Variants in SLIT3 observed in about 807,000 individuals in gnomAD.
SLIT3 encodes slit homolog 3 protein.
A neutral mutation model predicts 184.0 loss-of-function variants in SLIT3; 68 were observed. The ratio of observed to expected loss-of-function variants is 0.37; its 90% confidence interval spans 0.30 to 0.45. The LOEUF (loss-of-function observed/expected upper bound fraction) is 0.45, where lower values mean the gene tolerates loss of function less well. SLIT3 is among the 20% of genes least tolerant of loss of function. SLIT3 has a pLI of 1.00. For missense variants in SLIT3, 1,707 were observed against 2,026.0 expected, an observed-to-expected ratio of 0.84 and a Z score of 3.02; for synonymous variants, 831 against 828.6, an observed-to-expected ratio of 1.00 and a Z score of -0.05.
chr5:169,133,338 T>A (rs1405593990), intron 4 of SLIT3, among the ~76,000 whole-genome samples: 1 of 152,202 alleles, frequency 6.6e-6, no homozygotes, highest in Non-Finnish European at 1.5e-5. Flanking sequence ...CTTGGAATCT[T>A]GAGTGGTGAG....
At chr5:168,831,731 A>G (rs984776984) in intron 6 of SLIT3, among the ~76,000 whole-genome samples, 1 of 152,214 alleles carries the variant, frequency 6.6e-6, no homozygotes, top group African/African-American at 2.4e-5. Flanking sequence ...TCCAGGTGTC[A>G]TGTAAAACCT....
chr5:168,932,444 C>G (rs567422966), intron 4 of SLIT3, among the ~76,000 whole-genome samples: 1 of 151,730 alleles, frequency 6.6e-6, no homozygotes, highest in Non-Finnish European at 1.5e-5. Flanking sequence ...TTTTCTCTTT[C>G]CCTAGGAGAC....
chr5:169,059,169 C>T (rs969498473), intron 4 of SLIT3, among the ~76,000 whole-genome samples: 1 of 152,156 alleles, frequency 6.6e-6, no homozygotes, highest in African/African-American at 2.4e-5. Flanking sequence ...TCAGAATCCT[C>T]CTGACAAACA....
intron 4 of SLIT3, among the ~76,000 whole-genome samples, chr5:169,164,281 G>T (rs1433919225): frequency 6.6e-6 from 1 of 152,092 alleles, no homozygotes; most frequent in Admixed American, 6.5e-5. Context: ...AAATATTTCC[G>T]GCTAATTCAA....
intron 3 of SLIT3, among the ~76,000 whole-genome samples, chr5:169,224,261 T>G (rs1246178368): frequency 6.6e-6 from 1 of 152,174 alleles, no homozygotes; most frequent in Non-Finnish European, 1.5e-5. Context: ...ACTACAGAAA[T>G]TAGATGGCAT....
chr5:168,696,853 C>T (rs1368255580), intron 27 of SLIT3, among the ~76,000 whole-genome samples: 4 of 152,142 alleles, frequency 2.6e-5, no homozygotes, highest in Non-Finnish European at 5.9e-5. Flanking sequence ...AGTAAACATC[C>T]TCCTTTAAGT....
chr5:168,664,490 T>C lies in SLIT3; in HGVS notation c.*1964A>G, dbSNP rs1197633969. ...AGCTATATCCCTCTCTCCCTTCTCTTCATCCCCTCCATCCCTTCCTTCTTT... is the reference window on the plus strand; with the variant it reads ...AGCTATATCCCTCTCTCCCTTCTCTCCATCCCCTCCATCCCTTCCTTCTTT... On this transcript the variant is annotated 3_prime_UTR_variant, in exon 36 of 36. Coordinates refer to ENST00000519560, the MANE Select transcript of SLIT3 (RefSeq NM_003062.4). 2 of 147,150 alleles carry C rather than the reference T, an allele frequency of 1.4e-5. No individual in the cohort carries two copies. Among genetic ancestry groups the C allele is most frequent in the East Asian group, 2.0e-4 (1 of 5,012 alleles). The allele number at this position is 147,150 out of a possible 1,614,324, so 9.1% of individuals were successfully genotyped here.
chr5:169,000,932 G>A (rs1755681861), intron 4 of SLIT3, among the ~76,000 whole-genome samples: 1 of 152,136 alleles, frequency 6.6e-6, no homozygotes, highest in Non-Finnish European at 1.5e-5. Context: ...GGTTATTTGA[G>A]TTGCGTCGGA....
intron 4 of SLIT3, among the ~76,000 whole-genome samples, chr5:168,907,961 T>TAGAGAGAG (rs1460303859): frequency 1.2e-5 from 1 of 82,494 alleles, no homozygotes; most frequent in African/African-American, 4.6e-5. Context: ...TATATATATA[T>TAGAGAGAG]ATATATATAT....
At chr5:169,279,541 T>C (rs2113644312) in intron 1 of SLIT3, among the ~76,000 whole-genome samples, 1 of 152,294 alleles carries the variant, frequency 6.6e-6, no homozygotes, top group South Asian at 2.1e-4. Context: ...TCTCTGAAAT[T>C]ACTACTATGC....
intron 1 of SLIT3, among the ~76,000 whole-genome samples, chr5:169,294,331 G>A (rs955072292): frequency 6.7e-6 from 1 of 149,756 alleles, no homozygotes; most frequent in African/African-American, 2.5e-5. Context: ...TAAATAAAAT[G>A]CATTCCTTAT....
chr5:169,202,797 C>T (rs888826064), intron 3 of SLIT3, among the ~76,000 whole-genome samples: 1 of 151,920 alleles, frequency 6.6e-6, no homozygotes, highest in African/African-American at 2.4e-5. Context: ...CCCCCCACCC[C>T]ACCCCTGCCC....
intron 4 of SLIT3, among the ~76,000 whole-genome samples, chr5:168,884,399 A>C (rs2113793414): frequency 7.8e-6 from 1 of 128,566 alleles, no homozygotes; most frequent in Middle Eastern, 4.0e-3. Context: ...CTTTCTTCAG[A>C]TATAAAAGGT....
intron 28 of SLIT3, among the ~76,000 whole-genome samples, chr5:168,693,642 G>A (rs1023463955): frequency 3.3e-5 from 5 of 152,146 alleles, no homozygotes; most frequent in Non-Finnish European, 7.3e-5. Flanking sequence ...AACCATGAAC[G>A]TTCTCTCCAG....
intron 5 of SLIT3, among the ~76,000 whole-genome samples, chr5:168,877,052 A>G (rs922995008): frequency 4.6e-5 from 7 of 152,210 alleles, no homozygotes; most frequent in African/African-American, 1.7e-4. Context: ...CCTGCCATGA[A>G]CCATTTGGGT....
intron 8 of SLIT3, among the ~76,000 whole-genome samples, chr5:168,808,797 CA>C (rs1361397067): frequency 6.6e-6 from 1 of 152,188 alleles, no homozygotes; most frequent in East Asian, 1.9e-4. Flanking sequence ...TCCCATCACC[CA>C]CATCGAAGGG....
At chr5:169,004,620 C>A (rs1296223542) in intron 4 of SLIT3, among the ~76,000 whole-genome samples, 1 of 152,048 alleles carries the variant, frequency 6.6e-6, no homozygotes, top group Non-Finnish European at 1.5e-5. Context: ...TACAGGTAAC[C>A]CCTCTGCTAT....
At chr5:169,203,808 C>G (rs926905129) in intron 3 of SLIT3, among the ~76,000 whole-genome samples, 1 of 152,006 alleles carries the variant, frequency 6.6e-6, no homozygotes, top group Non-Finnish European at 1.5e-5. Flanking sequence ...GATATTTTGG[C>G]CTGTGCATCT....
intron 4 of SLIT3, among the ~76,000 whole-genome samples, chr5:168,961,754 G>C (rs890101055): frequency 1.3e-5 from 2 of 152,152 alleles, no homozygotes; most frequent in Non-Finnish European, 2.9e-5. Context: ...GTCTGGAAAA[G>C]AAAGAGCCAC....
Sources: gnomAD v4.1 joint callset for allele counts (sites outside exome capture counted in the v4.1 genomes callset) on GRCh38, gnomAD v4.1.1 for gene constraint, MANE v1.5 for transcripts, NCBI Gene and HGNC (gene_info 2026-07-23, HGNC 2026-07-21) for gene names.